The following PTPRD variants were observed in gnomAD, a reference collection of about 807,000 sequenced individuals.
PTPRD encodes the protein protein tyrosine phosphatase receptor type D.
A neutral mutation model predicts 214.5 loss-of-function variants in PTPRD; 34 were observed. The observed-to-expected ratio is 0.16, with a 90% CI of 0.12 to 0.21. The LOEUF is 0.21. Ranked by LOEUF, PTPRD falls within the 10% of genes least tolerant of loss-of-function variation. The pLI, the probability that PTPRD is intolerant of heterozygous loss-of-function variation, is 1.00. For synonymous variants in PTPRD, 1,128 were observed against 845.7 expected (o/e 1.33, Z -5.79); for missense variants, 2,545 against 2,398.7 (o/e 1.06, Z -1.27).
chr9:8,763,338 C>T (rs2094520089), intron 11 of PTPRD, among the ~76,000 whole-genome samples: 2 of 151,754 alleles, frequency 1.3e-5, no homozygotes, highest in Admixed American at 1.3e-4. Flanking sequence ...ATAACGAAAC[C>T]CCATCTCTAA....
intron 9 of PTPRD, among the ~76,000 whole-genome samples, chr9:9,292,256 T>C (rs148962732): frequency 2.6e-5 from 4 of 151,418 alleles, no homozygotes; most frequent in Non-Finnish European, 4.4e-5. Context: ...AACTGAAGCA[T>C]AACTGGTTCT....
intron 2 of PTPRD, among the ~76,000 whole-genome samples, chr9:10,389,753 C>G (rs758928468): frequency 6.6e-5 from 10 of 151,820 alleles, no homozygotes; most frequent in Admixed American, 4.0e-4. Context: ...ATAATAAATA[C>G]CACATAAAAT....
chr9:8,879,789 G>A (rs768288433), intron 11 of PTPRD, among the ~76,000 whole-genome samples: 8 of 152,214 alleles, frequency 5.3e-5, no homozygotes, highest in African/African-American at 1.9e-4. Context: ...AAACACAAAC[G>A]GAGAGAGGCT....
rs116009992 is a variant in PTPRD at position 10,124,429 on chromosome 9, G to A, written c.-544-90639C>T. On this transcript the variant is annotated intron_variant, in intron 3 of 45. Transcript: ENST00000381196. Reference sequence around the variant, plus strand: ...AAGAATATAATACAACACACCATGCGTATTCACCCCACATTTTTTCTTTCA... The same window carrying A: ...AAGAATATAATACAACACACCATGCATATTCACCCCACATTTTTTCTTTCA... 3.6e-3 allele frequency among the ~76,000 whole-genome samples: 553 copies of A among 152,150 alleles called. 2 individuals carry two copies. Among genetic ancestry groups the A allele is most frequent in the African/African-American group, 0.013 (530 of 41,524 alleles).
intron 14 of PTPRD, among the ~76,000 whole-genome samples, chr9:8,586,660 A>G (rs760270367): frequency 3.9e-5 from 6 of 152,202 alleles, no homozygotes; most frequent in Non-Finnish European, 7.3e-5. Context: ...CCTCACTACA[A>G]CAAGCTGCCT....
chr9:8,345,810 CGTTTT>C (rs1564135314), intron 39 of PTPRD, among the ~76,000 whole-genome samples: 2 of 152,116 alleles, frequency 1.3e-5, no homozygotes, highest in Admixed American at 6.6e-5. Flanking sequence ...CAGTATGTTT[CGTTTT>C]GTTTTTTTTA....
chr9:8,323,619 C>G (rs1417339943), intron 44 of PTPRD, among the ~76,000 whole-genome samples: 3 of 151,466 alleles, frequency 2.0e-5, no homozygotes, highest in Non-Finnish European at 1.5e-5. Context: ...AGCAAGATAA[C>G]TAGAACTAGA....
intron 3 of PTPRD, among the ~76,000 whole-genome samples, chr9:10,165,782 A>C (rs1339349872): frequency 6.6e-6 from 1 of 151,250 alleles, no homozygotes; most frequent in Non-Finnish European, 1.5e-5. Flanking sequence ...CTTAAAAAAA[A>C]CCATACTGTA....
intron 3 of PTPRD, among the ~76,000 whole-genome samples, chr9:10,163,515 A>G (rs2099141280): frequency 6.6e-6 from 1 of 151,504 alleles, no homozygotes; most frequent in Non-Finnish European, 1.5e-5. Context: ...CAATTCCATT[A>G]AAGTTGCTGT....
At chr9:10,514,976 T>G (rs1326744199) in intron 2 of PTPRD, among the ~76,000 whole-genome samples, 7 of 152,168 alleles carry the variant, frequency 4.6e-5, no homozygotes, top group Non-Finnish European at 7.4e-5. Flanking sequence ...TTTTATCAGA[T>G]TCAATTGTTT....
At chr9:8,732,337 T>C (rs1444421684) in intron 12 of PTPRD, among the ~76,000 whole-genome samples, 1 of 152,196 alleles carries the variant, frequency 6.6e-6, no homozygotes, top group African/African-American at 2.4e-5. Context: ...TGATCTGACA[T>C]TAAACTGGGC....
At chr9:8,735,668 C>G (rs7860649) in intron 11 of PTPRD, among the ~76,000 whole-genome samples, 127,510 of 152,038 alleles carry the variant, frequency 0.84, 53,592 homozygotes, top group African/African-American at 0.88. Context: ...CCACCACTTT[C>G]GGAAGCCGAG....
rs577860777 is a variant in PTPRD at position 8,347,798 on chromosome 9, G to A, written c.4662-5820C>T. On this transcript the variant is annotated intron_variant, in intron 39 of 45. Coordinates refer to ENST00000381196, the MANE Select transcript of PTPRD (RefSeq NM_002839.4). Reference sequence around the variant, plus strand: ...TATGCATACACAGAGGAAAGGCCGTGTGACGGCACAGTGAGAAAGTAGTCA... The same window carrying A: ...TATGCATACACAGAGGAAAGGCCGTATGACGGCACAGTGAGAAAGTAGTCA... 2.6e-5 allele frequency among the ~76,000 whole-genome samples: 4 copies of A among 152,272 alleles called. No homozygotes were observed. The South Asian group carries it at 8.3e-4, about 32-fold the overall frequency.
intron 3 of PTPRD, among the ~76,000 whole-genome samples, chr9:10,267,676 C>T (rs1398339982): frequency 6.6e-6 from 1 of 152,106 alleles, no homozygotes; most frequent in Non-Finnish European, 1.5e-5. Context: ...GTCTTAAATG[C>T]TTATGCATTT....
At chr9:8,557,875 TC>T (rs1166187895) in intron 14 of PTPRD, among the ~76,000 whole-genome samples, 2 of 150,286 alleles carry the variant, frequency 1.3e-5, no homozygotes. Context: ...GGTATACATA[TC>T]AAGAAACAAG....
chr9:9,781,032 T>G (rs935671476), intron 5 of PTPRD, among the ~76,000 whole-genome samples: 1 of 151,902 alleles, frequency 6.6e-6, no homozygotes, highest in Admixed American at 6.6e-5. Flanking sequence ...GCAGGGAGGG[T>G]GGAGACCGAG....
chr9:9,451,788 A>T (rs1446358987), intron 8 of PTPRD, among the ~76,000 whole-genome samples: 1 of 151,674 alleles, frequency 6.6e-6, no homozygotes, highest in Non-Finnish European at 1.5e-5. Flanking sequence ...GAAATAAAAA[A>T]TACAAAAATT....
At chr9:9,514,579 C>G (rs1176623101) in intron 8 of PTPRD, among the ~76,000 whole-genome samples, 2 of 152,020 alleles carry the variant, frequency 1.3e-5, no homozygotes, top group African/African-American at 4.8e-5. Context: ...TTGCTAAGTC[C>G]CATTAACTTC....
intron 8 of PTPRD, among the ~76,000 whole-genome samples, chr9:9,566,688 T>G (rs1309267033): frequency 6.6e-6 from 1 of 152,082 alleles, no homozygotes; most frequent in East Asian, 1.9e-4. Context: ...AAGAAAAGCT[T>G]ACACTCGTAG....
Sources: gnomAD v4.1 joint callset for allele counts (sites outside exome capture counted in the v4.1 genomes callset) on GRCh38, gnomAD v4.1.1 for gene constraint, MANE v1.5 for transcripts, NCBI Gene and HGNC (gene_info 2026-07-23, HGNC 2026-07-21) for gene names.